Variants in BAALC observed in about 807,000 individuals in gnomAD.
The protein encoded by BAALC is brain and acute leukemia cytoplasmic protein.
A neutral mutation model predicts 15.5 loss-of-function variants in BAALC; 9 were observed. The ratio of observed to expected loss-of-function variants is 0.58; its 90% CI spans 0.35 to 1.02. The LOEUF is 1.02. Among genes scored for constraint, BAALC ranks in the 50% least tolerant of loss-of-function variants. The probability of loss-of-function intolerance (pLI) is 0.02; values close to 1 mark genes in which losing one functional copy is unlikely to be tolerated. For synonymous variants in BAALC, 80 were observed against 74.6 expected (o/e 1.07, Z -0.37); for missense variants, 201 against 192.4 (o/e 1.04, Z -0.27).
At chr8:103,164,339 G>A (rs374837353) in intron 1 of BAALC, among the ~76,000 whole-genome samples, 1 of 152,164 alleles carries the variant, frequency 6.6e-6, no homozygotes, top group Non-Finnish European at 1.5e-5. Context: ...TGTGAGTGAT[G>A]AGCAGGAGTT....
At chr8:103,176,574 G>A (rs954251961) in intron 1 of BAALC, among the ~76,000 whole-genome samples, 8 of 152,022 alleles carry the variant, frequency 5.3e-5, no homozygotes, top group East Asian at 1.9e-4. Flanking sequence ...CAATCCTAGC[G>A]CCCACACTAA....
chr8:103,198,848 T>TTGCA (rs1052029080), intron 1 of BAALC, among the ~76,000 whole-genome samples: 4 of 152,304 alleles, frequency 2.6e-5, no homozygotes, highest in African/African-American at 9.6e-5. Context: ...GAGACGGAGC[T>TTGCA]TGCAGTGAGC....
intron 1 of BAALC, chr8:103,171,843 T>C (rs1380849535): frequency 6.6e-6 from 1 of 151,990 alleles, no homozygotes; most frequent in African/African-American, 2.4e-5. Flanking sequence ...CCCAGTAGAG[T>C]TCACTATTGG....
intron 2 of BAALC, among the ~76,000 whole-genome samples, chr8:103,223,091 C>T (rs1234007642): frequency 6.6e-6 from 1 of 151,964 alleles, no homozygotes; most frequent in Non-Finnish European, 1.5e-5. Flanking sequence ...TGCGGGTGGA[C>T]CACAAGGTCA....
At chr8:103,215,895 C>T (rs1812543705) in intron 2 of BAALC, among the ~76,000 whole-genome samples, 2 of 152,200 alleles carry the variant, frequency 1.3e-5, no homozygotes, top group African/African-American at 4.8e-5. Flanking sequence ...GGTGGCACAT[C>T]CATGTAACCA....
chr8:103,147,685 C>T (rs1810905249), intron 1 of BAALC, among the ~76,000 whole-genome samples: 1 of 152,288 alleles, frequency 6.6e-6, no homozygotes, highest in East Asian at 1.9e-4. Flanking sequence ...GTGTCTAAAC[C>T]TGTTCTCGGA....
At chr8:103,177,898 T>C in intron 1 of BAALC, among the ~76,000 whole-genome samples, 1 of 152,222 alleles carries the variant, frequency 6.6e-6, no homozygotes, top group Non-Finnish European at 1.5e-5. Context: ...CTCCACAAAT[T>C]CCTTAAAATC....
chr8:103,176,369 A>C lies in BAALC; in HGVS notation c.160+35312A>C, dbSNP rs140173198. On this transcript the variant is annotated intron_variant, in intron 1 of 2. Coordinates refer to ENST00000309982, the MANE Select transcript of BAALC (RefSeq NM_024812.3). ...ATAATAGTGACAAAAAAACCCAAAAATTCTTGCCCTCATGCTTAAAGCCTA... is the reference window on the plus strand; with the variant it reads ...ATAATAGTGACAAAAAAACCCAAAACTTCTTGCCCTCATGCTTAAAGCCTA... Among the ~76,000 whole-genome samples the C allele has an allele frequency of 3.1e-3, 468 of 152,274 alleles. 1 individual carries two copies. The highest frequency in any genetic ancestry group is 0.024 in the Middle Eastern group (7 of 294).
chr8:103,193,836 CCCACA>C (rs1423547681), intron 1 of BAALC, among the ~76,000 whole-genome samples: 1 of 152,148 alleles, frequency 6.6e-6, no homozygotes, highest in Non-Finnish European at 1.5e-5. Context: ...AAAAGCAGTG[CCCACA>C]CCATGATAGC....
chr8:103,141,089 C>T (rs1366243788), intron 1 of BAALC, 32 bp downstream of exon 1: 6 of 1,405,686 alleles, frequency 4.3e-6, no homozygotes, highest in Non-Finnish European at 5.5e-6. Context: ...GACCCTCGCC[C>T]GCCCGCTACC....
intron 1 of BAALC, among the ~76,000 whole-genome samples, chr8:103,203,818 TTATC>T (rs1315290942): frequency 2.6e-5 from 4 of 150,966 alleles, no homozygotes; most frequent in Non-Finnish European, 5.9e-5. Context: ...AATACTTTAT[TTATC>T]TATTCATCAA....
Position 103,213,040 on chromosome 8 carries a change from C to T in BAALC, c.282C>T (p.Ser94=), listed in dbSNP as rs760686037. The T allele has an allele frequency of 6.2e-6, 10 of 1,614,048 alleles. No homozygotes were observed. Among genetic ancestry groups the T allele is most frequent in the African/African-American group, 2.7e-5 (2 of 74,930 alleles). ...AGTGCCCAAATCCCCAGAGCCTCAG[C>T]TCAGGCCCTCTGACCCAGAAACAGA... is the stretch of plus-strand genomic sequence containing the variant. ...ETQCPNPQSL[S]SGPLTQKQNG... Residue 94 remains serine (S), a synonymous_variant, in exon 2 of 3, where the codon AGC becomes AGT. Transcript: ENST00000309982.
At chr8:103,161,657 C>T (rs1276519673) in intron 1 of BAALC, among the ~76,000 whole-genome samples, 1 of 152,150 alleles carries the variant, frequency 6.6e-6, no homozygotes, top group Non-Finnish European at 1.5e-5. Context: ...TACAGCTGGG[C>T]CAAATGCTGA....
chr8:103,172,978 CTAATA>C (rs1811530792), intron 1 of BAALC, among the ~76,000 whole-genome samples: 1 of 152,142 alleles, frequency 6.6e-6, no homozygotes, highest in South Asian at 2.1e-4. Flanking sequence ...TAGCATTAAT[CTAATA>C]TAACAAATAG....
intron 2 of BAALC, among the ~76,000 whole-genome samples, chr8:103,214,625 C>T (rs1300676030): frequency 6.6e-6 from 1 of 152,212 alleles, no homozygotes; most frequent in Non-Finnish European, 1.5e-5. Context: ...CTAAAGCTCA[C>T]TAACTAAAGG....
chr8:103,171,075 A>G (rs1276962649), intron 1 of BAALC, among the ~76,000 whole-genome samples: 6 of 151,970 alleles, frequency 3.9e-5, no homozygotes, highest in Non-Finnish European at 7.4e-5. Flanking sequence ...CCAGCTGAAC[A>G]CTGAGAAATC....
chr8:103,219,754 G>C (rs754828965), intron 2 of BAALC, among the ~76,000 whole-genome samples: 6 of 152,148 alleles, frequency 3.9e-5, no homozygotes, highest in Non-Finnish European at 7.4e-5. Flanking sequence ...AATTCACAAA[G>C]CAGCAGCAAA....
intron 1 of BAALC, among the ~76,000 whole-genome samples, chr8:103,188,805 A>C (rs1303494107): frequency 6.6e-6 from 1 of 152,210 alleles, no homozygotes; most frequent in Non-Finnish European, 1.5e-5. Flanking sequence ...AAAGGAGTAC[A>C]TATATTTTTA....
Position 103,159,261 on chromosome 8 carries a change from A to G in BAALC, c.160+18204A>G, listed in dbSNP as rs75123162. Among the ~76,000 whole-genome samples, 72 of 152,302 alleles carry G rather than the reference A, an allele frequency of 4.7e-4. No individual in the cohort carries two copies. In the East Asian group the frequency reaches 0.013, roughly 27 times the overall value. ...AAGATTGGCTTAGGCCACCTGATCT[A>G]TCCTTTATAAAGTTTCTCATCAGCT... On this transcript the variant is annotated intron_variant, in intron 1 of 2. Transcript: ENST00000309982.
Sources: allele counts gnomAD v4.1 joint callset (sites outside exome capture counted in the v4.1 genomes callset), GRCh38; gene constraint gnomAD v4.1.1; transcripts MANE v1.5; gene names NCBI Gene and HGNC (gene_info 2026-07-23, HGNC 2026-07-21).